SOX30: variants seen among roughly 807,000 people sequenced by gnomAD.
SOX30 encodes the protein SRY-box transcription factor 30, also known as transcription factor SOX-30.
A neutral mutation model predicts 58.6 loss-of-function variants in SOX30; 17 were observed. The observed-to-expected ratio is 0.29, with a 90% CI of 0.20 to 0.44. The LOEUF (loss-of-function observed/expected upper bound fraction) is 0.44. Among genes scored for constraint, SOX30 ranks in the 20% least tolerant of loss-of-function variants. The pLI is 1.00. For missense variants in SOX30, 951 were observed against 965.8 expected (o/e 0.98, Z 0.20); for synonymous variants, 421 against 400.2 (o/e 1.05, Z -0.62).
chr5:157,629,617 A>G (rs1216508875), intron 4 of SOX30, among the ~76,000 whole-genome samples: 2 of 152,218 alleles, frequency 1.3e-5, no homozygotes, highest in East Asian at 3.8e-4. Context: ...AAAAACATTA[A>G]TTAGAATAGT....
intron 2 of SOX30, among the ~76,000 whole-genome samples, chr5:157,661,603 GGGCTATAGTTTGCTTTT>G (rs1759579242): frequency 6.6e-6 from 1 of 152,098 alleles, no homozygotes; most frequent in Non-Finnish European, 1.5e-5. Flanking sequence ...TTTGGCCCAA[GGGCTATAGTTTGCTTTT>G]GGCTATAGTT....
intron 3 of SOX30, among the ~76,000 whole-genome samples, chr5:157,640,694 A>G (rs1260299741): frequency 6.6e-6 from 1 of 152,192 alleles, no homozygotes; most frequent in East Asian, 1.9e-4. Flanking sequence ...TAGAATGACG[A>G]TCTAGAATTA....
At chr5:157,670,561 C>T (rs1056002317) in intron 1 of SOX30, among the ~76,000 whole-genome samples, 3 of 152,052 alleles carry the variant, frequency 2.0e-5, no homozygotes, top group Non-Finnish European at 4.4e-5. Flanking sequence ...AGATCTATTC[C>T]AGGTCGGAGG....
At chr5:157,646,616 T>C (rs1759198733) in intron 3 of SOX30, 21 bp downstream of exon 3, 6 of 1,557,494 alleles carry the variant, frequency 3.9e-6, no homozygotes, top group Middle Eastern at 1.7e-4. Flanking sequence ...AAAATAGTAA[T>C]CTACAATAAA....
chr5:157,657,974 T>G (rs906871893), intron 2 of SOX30, among the ~76,000 whole-genome samples: 8 of 152,186 alleles, frequency 5.3e-5, no homozygotes, highest in Non-Finnish European at 4.4e-5. Flanking sequence ...CCTCAGACCT[T>G]GTCTACAACA....
At position 157,631,600 on chromosome 5, in the gene SOX30, A is replaced by C. The variant is rs555778026; in HGVS notation, c.1881-4879T>G. 8.5e-5 allele frequency among the ~76,000 whole-genome samples: 13 copies of C among 152,118 alleles called. No homozygotes were observed. In the East Asian group the frequency reaches 2.3e-3, roughly 27 times the overall value. On this transcript the variant is annotated intron_variant, in intron 4 of 4. Transcript: ENST00000265007. Reference sequence around the variant, plus strand: ...ACATGGTGAAACCCCGTCTCTACTAAAAATACAAAAATAAGCCGGGCATGG... The same window carrying C: ...ACATGGTGAAACCCCGTCTCTACTACAAATACAAAAATAAGCCGGGCATGG...
Position 157,651,186 on chromosome 5 carries a change from A to G in SOX30, c.893T>C (p.Met298Thr). The G allele has an allele frequency of 1.2e-6, 2 of 1,610,200 alleles. No individual in the cohort carries two copies. Among genetic ancestry groups the G allele is most frequent in the Non-Finnish European group, 1.7e-6 (2 of 1,178,234 alleles). ...KVPLTPVPTK[M>T]QSLLEPSVKI... ...TACAGAAGGCTCCAGTAGGGACTGC[A>G]TTTTAGTAGGCACTGGTGTCAGGGG... The change falls in exon 1 of 5, where the codon ATG (methionine) becomes ACG (threonine). Residue 298 changes from methionine to threonine, a missense_variant. Met to Thr is a moderately conservative substitution (Grantham distance 81). Transcript: ENST00000265007.
Position 157,646,768 on chromosome 5 carries a change from C to G in SOX30, c.1256G>C (p.Ser419Thr). The change falls in exon 3 of 5, where the codon AGT becomes ACT. Residue 419 changes from serine to threonine, a missense_variant. Ser to Thr is a moderately conservative substitution (Grantham distance 58, BLOSUM62 1). Around this residue, in one of 7 missense-constraint regions of SOX30, gnomAD observed 57 missense variants for 104.0 expected, o/e 0.55. Coordinates refer to ENST00000265007, the MANE Select transcript of SOX30 (RefSeq NM_178424.2). Reference protein sequence around the residue: ...RPGKRKRFPLSVSNVFSGTTQ... With the variant: ...RPGKRKRFPLTVSNVFSGTTQ... ...GGTACCAGAAAATACATTGGAAACA[C>G]TTAGAGGGAATCGTTTTCGCTTCCC... The G allele has an allele frequency of 1.2e-6, 2 of 1,614,046 alleles. No individual in the cohort carries two copies. Among genetic ancestry groups the G allele is most frequent in the Non-Finnish European group, 1.7e-6 (2 of 1,179,962 alleles).
At chr5:157,646,135 G>T (rs1024189163) in intron 3 of SOX30, among the ~76,000 whole-genome samples, 2 of 151,956 alleles carry the variant, frequency 1.3e-5, no homozygotes, top group African/African-American at 4.8e-5. Flanking sequence ...GGAATGTAAA[G>T]AACTCAGAGG....
chr5:157,648,631 TAAG>T, intron 2 of SOX30, 23 bp downstream of exon 2: 1 of 1,600,900 alleles, frequency 6.2e-7, no homozygotes, highest in Non-Finnish European at 8.5e-7. Context: ...TTAAAAGAAG[TAAG>T]AGGCATTATT....
At chr5:157,636,018 C>CAGGGG (rs1168398561) in intron 4 of SOX30, among the ~76,000 whole-genome samples, 1 of 152,124 alleles carries the variant, frequency 6.6e-6, no homozygotes, top group African/African-American at 2.4e-5. Flanking sequence ...TTTACTAATC[C>CAGGGG]ATTTATTTAA....
chr5:157,671,255 C>T (rs1306911256), intron 1 of SOX30: 1 of 258,050 alleles, frequency 3.9e-6, no homozygotes, highest in African/African-American at 2.2e-5. Flanking sequence ...CTGGCTCAAC[C>T]CGTTACCCGC....
At position 157,652,387 on chromosome 5, in the gene SOX30, T is replaced by C. The variant is rs1385508024; in HGVS notation, c.-309A>G. On this transcript the variant is annotated 5_prime_UTR_variant, in exon 1 of 5. Coordinates refer to ENST00000265007, the MANE Select transcript of SOX30 (RefSeq NM_178424.2). ...TCGTTCTGACTCTCTTGTGGAGTTCTCTTACAGCCGTTGTCTTTAGTCATC... is the reference window on the plus strand; with the variant it reads ...TCGTTCTGACTCTCTTGTGGAGTTCCCTTACAGCCGTTGTCTTTAGTCATC... The C allele has an allele frequency of 1.8e-6, 2 of 1,110,546 alleles. No homozygotes were observed. The highest frequency in any genetic ancestry group is 2.2e-6 in the Non-Finnish European group (2 of 911,730). 68.8% of individuals were successfully genotyped at this position (1,110,546 alleles called of 1,614,324 possible).
Position 157,638,224 on chromosome 5 carries a change from A to AT in SOX30, c.1880+5dup. 1 of 1,509,572 alleles carries AT rather than the reference A, an allele frequency of 6.6e-7. No homozygotes were observed. Among genetic ancestry groups the AT allele is most frequent in the Non-Finnish European group, 8.9e-7 (1 of 1,129,074 alleles). 93.5% of individuals were successfully genotyped at this position (1,509,572 alleles called of 1,614,324 possible). On this transcript the variant is annotated splice_donor_region_variant and intron_variant, in intron 4 of 4. Coordinates refer to ENST00000265007, the MANE Select transcript of SOX30 (RefSeq NM_178424.2). Reference sequence around the variant, plus strand: ...TTAGGTAAAAGGAAAAAAAATGTTAATTTACCTTGATGGGAAGTAGTGAGG... The same window carrying AT: ...TTAGGTAAAAGGAAAAAAAATGTTAATTTTACCTTGATGGGAAGTAGTGAGG...
In SOX30 at chr5:157,652,273, T is replaced by C; in HGVS notation, c.-195A>G. ...GTGGACGGCCAATCACAGGCGGGTTTTCCGGCTCTTCCTGGTCCCTACTCT... is the reference window on the plus strand; with the variant it reads ...GTGGACGGCCAATCACAGGCGGGTTCTCCGGCTCTTCCTGGTCCCTACTCT... On this transcript the variant is annotated 5_prime_UTR_variant, in exon 1 of 5. Transcript: ENST00000265007. The C allele has an allele frequency of 8.0e-7, 1 of 1,251,446 alleles. No individual in the cohort carries two copies. Among genetic ancestry groups the C allele is most frequent in the Non-Finnish European group, 1.0e-6 (1 of 1,001,176 alleles). 77.5% of individuals were successfully genotyped at this position (1,251,446 alleles called of 1,614,324 possible). A position where few individuals can be genotyped will look rare whatever the true frequency, so the allele number is the denominator to read the frequency against.
rs770060513 is a variant in SOX30, at chr5:157,651,701, G to A, written c.378C>T (p.His126=). The A allele has an allele frequency of 1.3e-6, 2 of 1,590,936 alleles. No homozygotes were observed. The highest frequency in any genetic ancestry group is 1.7e-4 in the Middle Eastern group (1 of 6,006). The change falls in exon 1 of 5, where the codon CAC becomes CAT. Residue 126 remains histidine (H), a synonymous_variant. Transcript: ENST00000265007. ...SDGATSRPEL[H]PVQPLALHVK... ...CATGCAGCGCCAGGGGCTGCACCGG[G>A]TGCAACTCGGGCCTGGAGGTGGCGC...
rs1487033309 is a variant in SOX30, at chr5:157,651,496, A to C, written c.583T>G (p.Ser195Ala). 3.7e-6 allele frequency: 6 copies of C among 1,613,254 alleles called. No individual in the cohort carries two copies. Among genetic ancestry groups the C allele is most frequent in the Non-Finnish European group, 5.1e-6 (6 of 1,179,980 alleles). Residue 195 changes from serine (S) to alanine (A), a missense_variant, in exon 1 of 5, where the codon TCG (serine) becomes GCG (alanine). Ser to Ala is a moderately conservative substitution (Grantham distance 99, BLOSUM62 1). Transcript: ENST00000265007. ...KLEAEEVMRD[S>A]MQGGAGKSPA... Reference sequence around the variant, plus strand: ...CTTTTGCCTGCCCCGCCTTGCATCGAGTCTCTCATGACCTCCTCCGCCTCC... The same window carrying C: ...CTTTTGCCTGCCCCGCCTTGCATCGCGTCTCTCATGACCTCCTCCGCCTCC...
At chr5:157,640,442 C>T (rs926066850) in intron 3 of SOX30, among the ~76,000 whole-genome samples, 1 of 152,126 alleles carries the variant, frequency 6.6e-6, no homozygotes, top group South Asian at 2.1e-4. Context: ...ATAAGCGAGA[C>T]AGGGTAGTGG....
chr5:157,639,463 C>T (rs61158200), intron 3 of SOX30, among the ~76,000 whole-genome samples: 14,011 of 151,648 alleles, frequency 0.092, 823 homozygotes, highest in South Asian at 0.13. Context: ...AATATGAATA[C>T]GAAAGGAAAT....
Sources: allele counts gnomAD v4.1 joint callset (sites outside exome capture counted in the v4.1 genomes callset), GRCh38; gene constraint gnomAD v4.1.1; regional missense constraint gnomAD v4.1.1; transcripts MANE v1.5; gene names NCBI Gene and HGNC (gene_info 2026-07-23, HGNC 2026-07-21).